C2CD5: variants seen among roughly 807,000 people sequenced by gnomAD.
C2CD5 encodes the protein C2 calcium dependent domain containing 5, also known as C2 domain-containing protein 5.
A neutral mutation model predicts 130.3 loss-of-function variants in C2CD5; 109 were observed. The ratio of observed to expected loss-of-function variants is 0.84; its 90% CI spans 0.72 to 0.98. The LOEUF (loss-of-function observed/expected upper bound fraction) is 0.98. Ranked by LOEUF, C2CD5 falls within the 50% of genes least tolerant of loss-of-function variation. The probability of loss-of-function intolerance (pLI) is 0.00; values close to 1 mark genes in which losing one functional copy is unlikely to be tolerated. For synonymous variants in C2CD5, 454 were observed against 429.2 expected (o/e 1.06, Z -0.71); for missense variants, 996 against 1,261.8 (o/e 0.79, Z 3.19).
In C2CD5 at chr12:22,523,570, ACT is replaced by A. The variant is rs1950456191; in HGVS notation, c.654_655del (p.Val219CysfsTer28). 1 of 1,613,798 alleles carries A rather than the reference ACT, an allele frequency of 6.2e-7. No individual in the cohort carries two copies. Among genetic ancestry groups the A allele is most frequent in the Non-Finnish European group, 8.5e-7 (1 of 1,179,960 alleles). ...ATCGAAACACTGTAAGTACCCCACAACTGCATTTCCTCTCATTTCAAGTACTT... is the reference window on the plus strand; with the variant it reads ...ATCGAAACACTGTAAGTACCCCACAAGCATTTCCTCTCATTTCAAGTACTT... On this transcript the variant is annotated frameshift_variant, in exon 7 of 27. Transcript: ENST00000446597. LOFTEE classifies it high-confidence loss of function.
intron 9 of C2CD5, among the ~76,000 whole-genome samples, chr12:22,507,733 A>G (rs1014459090): frequency 6.6e-6 from 1 of 152,214 alleles, no homozygotes; most frequent in Non-Finnish European, 1.5e-5. Flanking sequence ...AGCTCACTTA[A>G]CTGGAATCAC....
rs1591985831 is a variant in C2CD5, at chr12:22,472,010, G to C, written c.2225C>G (p.Ala742Gly). 1.9e-6 allele frequency: 3 copies of C among 1,609,720 alleles called. No homozygotes were observed. The highest frequency in any genetic ancestry group is 2.5e-6 in the Non-Finnish European group (3 of 1,176,776). Residue 742 changes from alanine (A) to glycine (G), a missense_variant, in exon 19 of 27, where the codon GCT (alanine) becomes GGT (glycine). Ala to Gly is a moderately conservative substitution (Grantham distance 60, BLOSUM62 0). Transcript: ENST00000446597. ...GAGATCATTAAAGTTCTTATTGAGA[G>C]CTTGATTAGTCAGGTTGAGGCTGCT... Reference protein sequence around the residue: ...RLSSLNLTNQALNKNFNDLCE... With the variant: ...RLSSLNLTNQGLNKNFNDLCE...
intron 15 of C2CD5, 67 bp downstream of exon 15, chr12:22,478,241 CAATAA>C: frequency 7.7e-7 from 1 of 1,293,226 alleles, no homozygotes; most frequent in East Asian, 2.4e-5. Flanking sequence ...CTTGTGTCCT[CAATAA>C]GATAACCTAA....
At chr12:22,497,000 G>A (rs73076641) in intron 10 of C2CD5, among the ~76,000 whole-genome samples, 6,265 of 151,968 alleles carry the variant, frequency 0.041, 167 homozygotes, top group South Asian at 0.11. Context: ...ATTCTAAAAC[G>A]GCAGTTTATA....
At chr12:22,533,752 C>T (rs897128539) in intron 3 of C2CD5, among the ~76,000 whole-genome samples, 26 of 152,328 alleles carry the variant, frequency 1.7e-4, no homozygotes, top group African/African-American at 6.3e-4. Context: ...GAAGTCCCCT[C>T]AGATCACCAG....
At chr12:22,507,955 T>C (rs774040644) in intron 9 of C2CD5, among the ~76,000 whole-genome samples, 8 of 152,182 alleles carry the variant, frequency 5.3e-5, no homozygotes, top group Non-Finnish European at 1.0e-4. Flanking sequence ...AAATTTATCA[T>C]GATCTCATTT....
intron 2 of C2CD5, among the ~76,000 whole-genome samples, chr12:22,540,503 T>A (rs1038357591): frequency 6.6e-6 from 1 of 152,186 alleles, no homozygotes; most frequent in Non-Finnish European, 1.5e-5. Flanking sequence ...GCTGAATTCA[T>A]TGATTCATCT....
chr12:22,533,486 G>A (rs1951514925), intron 3 of C2CD5, among the ~76,000 whole-genome samples: 1 of 152,122 alleles, frequency 6.6e-6, no homozygotes, highest in Non-Finnish European at 1.5e-5. Context: ...GGGGCATGCC[G>A]ACAGACCAAA....
intron 8 of C2CD5, chr12:22,515,018 A>T: frequency 1.0e-6 from 1 of 985,394 alleles, no homozygotes; most frequent in Non-Finnish European, 1.2e-6. Flanking sequence ...AACTGGGCTG[A>T]CAAGGCTAGA....
chr12:22,473,903 G>A (rs1565678327), intron 16 of C2CD5, among the ~76,000 whole-genome samples: 1 of 152,038 alleles, frequency 6.6e-6, no homozygotes, highest in East Asian at 1.9e-4. Context: ...TCAGACTGTA[G>A]AGAAATGTGG....
intron 7 of C2CD5, among the ~76,000 whole-genome samples, chr12:22,521,377 G>A (rs1950252988): frequency 6.6e-6 from 1 of 152,170 alleles, no homozygotes; most frequent in Non-Finnish European, 1.5e-5. Context: ...TACAATCCCA[G>A]AAGATTTACA....
chr12:22,513,300 T>C lies in C2CD5; in HGVS notation c.1032A>G (p.Glu344=), dbSNP rs1250687087. Residue 344 remains glutamate, a synonymous_variant, in exon 9 of 27, where the codon GAA becomes GAG. Coordinates refer to ENST00000446597, the MANE Select transcript of C2CD5 (RefSeq NM_001286176.2). The part of the protein sequence containing the change: ...LLRQQTQSAL[E]QREFPFFTLT... ...AATATCAAGTGAATCTTACCCTCTG[T>C]TCCAACGCTGATTGAGTCTGTTGTC... 6 of 1,605,572 alleles carry C rather than the reference T, an allele frequency of 3.7e-6. No homozygotes were observed. Among genetic ancestry groups the C allele is most frequent in the South Asian group, 3.3e-5 (3 of 90,890 alleles).
intron 22 of C2CD5, among the ~76,000 whole-genome samples, chr12:22,468,937 T>C (rs1942546736): frequency 6.6e-6 from 1 of 152,308 alleles, no homozygotes; most frequent in Non-Finnish European, 1.5e-5. Flanking sequence ...AAAAGTTGAA[T>C]AGCTCATTTC....
chr12:22,471,566 T>C (rs556713665), intron 19 of C2CD5, 78 bp from the exon 20 acceptor site: 12 of 733,446 alleles, frequency 1.6e-5, no homozygotes, highest in Middle Eastern at 7.2e-4. Flanking sequence ...ATGTACATTA[T>C]ATTATAGCAA....
intron 19 of C2CD5, 115 bp downstream of exon 19, chr12:22,471,852 T>G: frequency 1.5e-6 from 1 of 666,882 alleles, no homozygotes; most frequent in Non-Finnish European, 2.7e-6. Flanking sequence ...GGTAAGTAGG[T>G]AAGAATGATT....
intron 3 of C2CD5, among the ~76,000 whole-genome samples, chr12:22,533,902 G>T (rs945653342): frequency 5.9e-5 from 9 of 152,182 alleles, no homozygotes; most frequent in African/African-American, 2.2e-4. Flanking sequence ...GAATGAAGTT[G>T]GGGCCACGTG....
At chr12:22,478,057 G>A (rs1278972980) in intron 15 of C2CD5, 2 of 421,068 alleles carry the variant, frequency 4.7e-6, no homozygotes, top group Non-Finnish European at 8.9e-6. Context: ...ACAAAGATAA[G>A]AGCTATAGAA....
intron 10 of C2CD5, among the ~76,000 whole-genome samples, chr12:22,499,040 G>A (rs1947406066): frequency 6.6e-6 from 1 of 152,090 alleles, no homozygotes; most frequent in South Asian, 2.1e-4. Flanking sequence ...TACTTCTAGT[G>A]GTAACTCAAG....
At chr12:22,516,068 T>C (rs1949689480) in intron 8 of C2CD5, among the ~76,000 whole-genome samples, 1 of 151,732 alleles carries the variant, frequency 6.6e-6, no homozygotes, top group Non-Finnish European at 1.5e-5. Flanking sequence ...AAAAACAACT[T>C]TCTCAGTCTA....
Sources: gnomAD v4.1 joint callset for allele counts (sites outside exome capture counted in the v4.1 genomes callset) on GRCh38, gnomAD v4.1.1 for gene constraint, MANE v1.5 for transcripts, NCBI Gene and HGNC (gene_info 2026-07-23, HGNC 2026-07-21) for gene names.